Variants in GDAP2 observed in about 807,000 individuals in gnomAD.
GDAP2 encodes ganglioside-induced differentiation-associated protein 2.
GDAP2 carries 51 observed loss-of-function variants against 67.0 expected under a neutral mutation model. The ratio of observed to expected loss-of-function variants is 0.76; its 90% CI spans 0.61 to 0.96. GDAP2 has a LOEUF of 0.96. Among genes scored for constraint, GDAP2 ranks in the 40% least tolerant of loss-of-function variants. The probability of loss-of-function intolerance (pLI) is 0.00; values close to 1 mark genes in which losing one functional copy is unlikely to be tolerated. For synonymous variants in GDAP2, 203 were observed against 207.3 expected, an observed-to-expected ratio of 0.98 and a Z score of 0.18; for missense variants, 547 against 588.3, an observed-to-expected ratio of 0.93 and a Z score of 0.73.
chr1:117,887,806 A>G, intron 8 of GDAP2, 32 bp from the exon 9 acceptor site: 5 of 1,223,442 alleles, frequency 4.1e-6, no homozygotes, highest in Non-Finnish European at 6.0e-6. Context: ...TCATTATAAT[A>G]AACCCTTGGA....
Position 117,896,925 on chromosome 1 carries a change from A to T in GDAP2, c.861T>A (p.Phe287Leu). ...TGTCAATATCTCCTTCCATTCGAGC[A>T]AAAGCATGAGAGCCAATGAAAGAGA... Reference protein sequence around the residue: ...VDLSFIGSHAFARMEGDIDKQ... With the variant: ...VDLSFIGSHALARMEGDIDKQ... Residue 287 changes from phenylalanine to leucine, a missense_variant, in exon 8 of 14, where the codon TTT becomes TTA. Phe to Leu is a conservative substitution (Grantham distance 22). Coordinates refer to ENST00000369443, the MANE Select transcript of GDAP2 (RefSeq NM_017686.4). The T allele has an allele frequency of 6.2e-7, 1 of 1,612,120 alleles. No homozygotes were observed. The highest frequency in any genetic ancestry group is 8.5e-7 in the Non-Finnish European group (1 of 1,178,340).
chr1:117,919,566 G>A (rs564426646), intron 2 of GDAP2, among the ~76,000 whole-genome samples: 1 of 152,062 alleles, frequency 6.6e-6, no homozygotes, highest in Non-Finnish European at 1.5e-5. Context: ...AAAATGGGGA[G>A]TGACTGCTAA....
At chr1:117,911,716 A>C (rs1649862180) in intron 5 of GDAP2, among the ~76,000 whole-genome samples, 1 of 152,142 alleles carries the variant, frequency 6.6e-6, no homozygotes, top group Admixed American at 6.6e-5. Flanking sequence ...ACAATCACTT[A>C]ATCAATGAAT....
intron 13 of GDAP2, among the ~76,000 whole-genome samples, chr1:117,871,877 C>T (rs1013264605): frequency 1.8e-4 from 27 of 151,928 alleles, no homozygotes; most frequent in Non-Finnish European, 3.7e-4. Context: ...GCACAGCAAA[C>T]GAAATTATCA....
intron 1 of GDAP2, among the ~76,000 whole-genome samples, chr1:117,921,676 G>A (rs1570997076): frequency 6.6e-6 from 1 of 152,156 alleles, no homozygotes; most frequent in African/African-American, 2.4e-5. Flanking sequence ...ATGGTAAGAA[G>A]TTTAGATCTT....
At chr1:117,922,691 A>T (rs868751504) in intron 1 of GDAP2, among the ~76,000 whole-genome samples, 1 of 152,208 alleles carries the variant, frequency 6.6e-6, no homozygotes, top group African/African-American at 2.4e-5. Flanking sequence ...TTGTACGAAT[A>T]GGGTGTGGGT....
intron 1 of GDAP2, among the ~76,000 whole-genome samples, chr1:117,925,165 C>A (rs1650400926): frequency 6.6e-6 from 1 of 152,042 alleles, no homozygotes; most frequent in African/African-American, 2.4e-5. Flanking sequence ...TGAAAAATAC[C>A]AAATCGGTTG....
At chr1:117,920,534 G>C in intron 1 of GDAP2, 110 bp from the exon 2 acceptor site, 1 of 438,798 alleles carries the variant, frequency 2.3e-6, no homozygotes. Context: ...AGTATATTGT[G>C]TGATTATAGC....
At position 117,906,617 on chromosome 1, in the gene GDAP2, A is replaced by T. The variant is rs199765971; in HGVS notation, c.560-35T>A. 651 of 1,096,052 alleles carry T rather than the reference A, an allele frequency of 5.9e-4. 1 individual carries two copies. In the African/African-American group the frequency reaches 9.8e-3, roughly 17 times the overall value. 67.9% of individuals were successfully genotyped at this position (1,096,052 alleles called of 1,614,324 possible). ...AGAATAGAAAGATTACTCAATAAAT[A>T]AAAAATTACTTATACATAAAGAAAA... On this transcript the variant is annotated intron_variant, in intron 5 of 13. Coordinates refer to ENST00000369443, the MANE Select transcript of GDAP2 (RefSeq NM_017686.4).
At chr1:117,908,828 A>AAAAT (rs33997305) in intron 5 of GDAP2, among the ~76,000 whole-genome samples, 8,432 of 148,152 alleles carry the variant, frequency 0.057, 507 homozygotes, top group East Asian at 0.3. Flanking sequence ...CTATCTCAAA[A>AAAAT]AAATAAATAA....
At chr1:117,871,673 T>A (rs1648291498) in intron 13 of GDAP2, among the ~76,000 whole-genome samples, 1 of 152,166 alleles carries the variant, frequency 6.6e-6, no homozygotes, top group Non-Finnish European at 1.5e-5. Flanking sequence ...CAAGAATTGA[T>A]CTTGGGCCAT....
At chr1:117,924,433 C>A (rs184581369) in intron 1 of GDAP2, among the ~76,000 whole-genome samples, 76 of 152,268 alleles carry the variant, frequency 5.0e-4, no homozygotes, top group African/African-American at 1.7e-3. Context: ...GCCTCCAGCT[C>A]CATCTATGTT....
chr1:117,904,523 A>T (rs1284889686), intron 6 of GDAP2, among the ~76,000 whole-genome samples: 1 of 152,206 alleles, frequency 6.6e-6, no homozygotes, highest in African/African-American at 2.4e-5. Context: ...TTTATTCATA[A>T]ATTATTCACA....
intron 3 of GDAP2, among the ~76,000 whole-genome samples, chr1:117,914,496 G>C (rs1453347049): frequency 6.6e-6 from 1 of 152,098 alleles, no homozygotes; most frequent in Non-Finnish European, 1.5e-5. Flanking sequence ...TTTCTTCAGA[G>C]AGAACAGAGA....
At chr1:117,922,731 A>G (rs1650301652) in intron 1 of GDAP2, among the ~76,000 whole-genome samples, 1 of 152,228 alleles carries the variant, frequency 6.6e-6, no homozygotes, top group African/African-American at 2.4e-5. Context: ...AAGGGCAACA[A>G]AAGATCACAA....
intron 5 of GDAP2, among the ~76,000 whole-genome samples, chr1:117,909,166 A>G (rs1649763665): frequency 6.6e-6 from 1 of 152,214 alleles, no homozygotes; most frequent in East Asian, 1.9e-4. Context: ...TGAATACCCT[A>G]TAATTTGTAA....
intron 8 of GDAP2, among the ~76,000 whole-genome samples, chr1:117,891,354 A>G (rs908294375): frequency 2.0e-5 from 3 of 151,880 alleles, no homozygotes; most frequent in African/African-American, 4.8e-5. Context: ...GATAAGGACA[A>G]ACCTCTTTTC....
intron 1 of GDAP2, among the ~76,000 whole-genome samples, chr1:117,925,146 C>T (rs1650399822): frequency 6.6e-6 from 1 of 152,132 alleles, no homozygotes. Context: ...TACATGCTTA[C>T]AGAACATTTG....
intron 10 of GDAP2, among the ~76,000 whole-genome samples, chr1:117,884,857 G>T (rs1277048018): frequency 6.8e-6 from 1 of 146,792 alleles, no homozygotes; most frequent in African/African-American, 2.6e-5. Context: ...CTGTTTGTTC[G>T]AGACAGGGTC....
Sources: allele counts gnomAD v4.1 joint callset (sites outside exome capture counted in the v4.1 genomes callset), GRCh38; gene constraint gnomAD v4.1.1; transcripts MANE v1.5; gene names NCBI Gene and HGNC (gene_info 2026-07-23, HGNC 2026-07-21).